The following ATXN10 variants were observed in gnomAD, a reference collection of about 807,000 sequenced individuals.
ATXN10 encodes the protein ataxin 10.
ATXN10 carries 28 observed loss-of-function variants against 52.9 expected under a neutral mutation model. The observed-to-expected ratio is 0.53, with a 90% CI of 0.39 to 0.73. The LOEUF is 0.73. ATXN10 is among the 30% of genes least tolerant of loss of function. The pLI is 0.00. For synonymous variants in ATXN10, 226 were observed against 221.5 expected (o/e 1.02, Z -0.18); for missense variants, 565 against 577.0 (o/e 0.98, Z 0.21).
chr22:45,843,557 C>G lies in ATXN10; in HGVS notation c.1426-112C>G, dbSNP rs1601682314. ...ATTGCATGAATTGTTTTAGGTTTCTCTAAGTTATTTGTCACCACTGACCAA... is the reference window on the plus strand; with the variant it reads ...ATTGCATGAATTGTTTTAGGTTTCTGTAAGTTATTTGTCACCACTGACCAA... On this transcript the variant is annotated intron_variant, in intron 11 of 11. Transcript: ENST00000252934. The surrounding 1 kb of genome is among the most constrained non-coding windows in gnomAD (Gnocchi z 4.5). 2 of 957,804 alleles carry G rather than the reference C, an allele frequency of 2.1e-6. No homozygotes were observed. The highest frequency in any genetic ancestry group is 3.3e-6 in the Non-Finnish European group (2 of 600,618). 59.3% of individuals were successfully genotyped at this position (957,804 alleles called of 1,614,324 possible).
intron 10 of ATXN10, among the ~76,000 whole-genome samples, chr22:45,811,072 T>C (rs73889628): frequency 0.014 from 2,180 of 152,294 alleles, 65 homozygotes; most frequent in African/African-American, 0.05. Flanking sequence ...TTTACTGATA[T>C]TTTTGTCTAC....
At chr22:45,700,822 A>G (rs1424222590) in intron 4 of ATXN10, among the ~76,000 whole-genome samples, 1 of 152,208 alleles carries the variant, frequency 6.6e-6, no homozygotes. Flanking sequence ...GCTGAGCACA[A>G]TGCTGTATGT....
At position 45,819,062 on chromosome 22, in the gene ATXN10, G is replaced by T. The variant is rs1928561256; in HGVS notation, c.1237+12040G>T. The stretch of plus-strand genomic sequence containing the variant: ...ACCAGTTGTAAGCTTACTAGCTTAA[G>T]AAAGTATTTTAAATTTAGAAGCTAC... On this transcript the variant is annotated intron_variant, in intron 10 of 11. Transcript: ENST00000252934. This position sits in a 1 kb window ranked among gnomAD's most constrained non-coding sequence, Gnocchi z 4.5. Among the ~76,000 whole-genome samples the T allele has an allele frequency of 6.6e-6, 1 of 152,148 alleles. No homozygotes were observed. Among genetic ancestry groups the T allele is most frequent in the Non-Finnish European group, 1.5e-5 (1 of 68,024 alleles).
At chr22:45,720,055 G>A (rs1270065369) in intron 6 of ATXN10, among the ~76,000 whole-genome samples, 2 of 152,164 alleles carry the variant, frequency 1.3e-5, no homozygotes, top group Admixed American at 6.5e-5. Context: ...TCAATAAAGT[G>A]TTCCTCTAGT....
Position 45,823,878 on chromosome 22 carries a change from G to T in ATXN10, c.1237+16856G>T, listed in dbSNP as rs183612548. On this transcript the variant is annotated intron_variant, in intron 10 of 11. Transcript: ENST00000252934. This position sits in a 1 kb window ranked among gnomAD's most constrained non-coding sequence, Gnocchi z 4.9. ...GTGGGCACACCCCCTGCTAGGCTTGGGGGCAGGCACTCAGGTCACCTGGGA... is the reference window on the plus strand; with the variant it reads ...GTGGGCACACCCCCTGCTAGGCTTGTGGGCAGGCACTCAGGTCACCTGGGA... Among the ~76,000 whole-genome samples the T allele has an allele frequency of 1.4e-3, 219 of 152,300 alleles. No individual in the cohort carries two copies. Among genetic ancestry groups the T allele is most frequent in the African/African-American group, 5.1e-3 (211 of 41,562 alleles).
Position 45,707,165 on chromosome 22 carries a change from TC to T in ATXN10, c.647+4320del, listed in dbSNP as rs572902878. 1.3e-3 allele frequency among the ~76,000 whole-genome samples: 195 copies of T among 152,292 alleles called. 1 individual carries two copies. Among genetic ancestry groups the T allele is most frequent in the African/African-American group, 4.5e-3 (189 of 41,556 alleles). On this transcript the variant is annotated intron_variant, in intron 5 of 11. Transcript: ENST00000252934. ...TCCTGTTTTTTAAAAAATCTATTTT[TC>T]CATATCTTTTGCACATAGTAGTCAG...
In ATXN10 at chr22:45,672,176, A is replaced by T; in HGVS notation, c.113A>T (p.Asn38Ile). 1 of 1,532,734 alleles carries T rather than the reference A, an allele frequency of 6.5e-7. No homozygotes were observed. The highest frequency in any genetic ancestry group is 1.2e-5 in the South Asian group (1 of 83,338). The allele number at this position is 1,532,734 out of a possible 1,614,324, so 94.9% of individuals were successfully genotyped here. A position where few individuals can be genotyped will look rare whatever the true frequency, so the allele number is the denominator to read the frequency against. The change falls in exon 1 of 12, where the codon AAC becomes ATC. Residue 38 changes from asparagine to isoleucine, a missense_variant. By Grantham distance (149) the Asn-to-Ile change is moderately radical. Coordinates refer to ENST00000252934, the MANE Select transcript of ATXN10 (RefSeq NM_013236.4). Reference protein sequence around the residue: ...ALTALFKEQRNRETAPRTIFQ... With the variant: ...ALTALFKEQRIRETAPRTIFQ... ...ACGGCGCTCTTCAAAGAGCAGCGGAACCGGTAACGGGTCCGGCCGGGGGGC... is the reference window on the plus strand; with the variant it reads ...ACGGCGCTCTTCAAAGAGCAGCGGATCCGGTAACGGGTCCGGCCGGGGGGC...
intron 9 of ATXN10, among the ~76,000 whole-genome samples, chr22:45,796,303 TTC>T (rs1471889282): frequency 7.9e-5 from 12 of 152,310 alleles, no homozygotes; most frequent in African/African-American, 2.9e-4. Flanking sequence ...CGAACCCTAT[TTC>T]CTGTTAAGAT....
chr22:45,764,092 A>C (rs1188478389), intron 9 of ATXN10, among the ~76,000 whole-genome samples: 1 of 152,076 alleles, frequency 6.6e-6, no homozygotes, highest in Non-Finnish European at 1.5e-5. Context: ...CTCACGGTGC[A>C]CACTCATCTT....
chr22:45,721,799 C>T (rs941482430), intron 6 of ATXN10, among the ~76,000 whole-genome samples: 1 of 152,126 alleles, frequency 6.6e-6, no homozygotes, highest in African/African-American at 2.4e-5. Flanking sequence ...CCTGTAGTTC[C>T]AGCTACTCGG....
Position 45,808,091 on chromosome 22 carries a change from G to C in ATXN10, c.1237+1069G>C, listed in dbSNP as rs138977801. On this transcript the variant is annotated intron_variant, in intron 10 of 11. Transcript: ENST00000252934. Reference sequence around the variant, plus strand: ...TAGCTTGTAAGTTCAGTCAGGAAAAGACAAATACACAGCCTCAGAAGACTC... The same window carrying C: ...TAGCTTGTAAGTTCAGTCAGGAAAACACAAATACACAGCCTCAGAAGACTC... 7.2e-3 allele frequency among the ~76,000 whole-genome samples: 1,096 copies of C among 152,242 alleles called. 10 individuals carry two copies. Among genetic ancestry groups the C allele is most frequent in the African/African-American group, 0.025 (1,041 of 41,540 alleles).
At position 45,738,834 on chromosome 22, in the gene ATXN10, T is replaced by C. The variant is rs754192163; in HGVS notation, c.998T>C (p.Val333Ala). ...LQVFPGLLER[V>A]IDLLRVIHVA... is the part of the protein sequence containing the mutation. The stretch of plus-strand genomic sequence containing the variant: ...GTTTTCCCTGGCTTGCTGGAAAGAG[T>C]GATTGGTGAGTGAAATATCACACAT... Residue 333 changes from valine to alanine, a missense_variant, in exon 8 of 12, where the codon GTG (valine) becomes GCG (alanine). Transcript: ENST00000252934. 1 of 1,612,484 alleles carries C rather than the reference T, an allele frequency of 6.2e-7. No individual in the cohort carries two copies. Among genetic ancestry groups the C allele is most frequent in the Admixed American group, 1.7e-5 (1 of 59,988 alleles).
chr22:45,729,887 T>A (rs1461695515), intron 7 of ATXN10: 2 of 412,288 alleles, frequency 4.9e-6, no homozygotes, highest in Admixed American at 3.6e-5. Context: ...GGAGCCTTTC[T>A]GTGCCTTCTG....
At position 45,823,142 on chromosome 22, in the gene ATXN10, G is replaced by A. The variant is rs1304680800; in HGVS notation, c.1237+16120G>A. On this transcript the variant is annotated intron_variant, in intron 10 of 11. Coordinates refer to ENST00000252934, the MANE Select transcript of ATXN10 (RefSeq NM_013236.4). This position sits in a 1 kb window ranked among gnomAD's most constrained non-coding sequence, Gnocchi z 4.9. ...GATGTATGTACGCATCACCCAGATG[G>A]AAATACAGAACATGCCCATCTCCCT... 2 of 471,598 alleles carry A rather than the reference G, an allele frequency of 4.2e-6. No homozygotes were observed. Among genetic ancestry groups the A allele is most frequent in the Admixed American group, 2.3e-5 (1 of 42,560 alleles). The allele number at this position is 471,598 out of a possible 1,614,324, so 29.2% of individuals were successfully genotyped here. A position where few individuals can be genotyped will look rare whatever the true frequency, so the allele number is the denominator to read the frequency against.
intron 10 of ATXN10, among the ~76,000 whole-genome samples, chr22:45,831,859 A>G (rs1929003513): frequency 6.6e-6 from 1 of 152,202 alleles, no homozygotes; most frequent in African/African-American, 2.4e-5. Flanking sequence ...GTGGCCTTTA[A>G]GCCCACCCAG....
intron 1 of ATXN10, chr22:45,675,449 C>T (rs907289055): frequency 6.6e-6 from 1 of 152,246 alleles, no homozygotes; most frequent in Non-Finnish European, 1.5e-5. Flanking sequence ...CAGTGTGCGA[C>T]TTCTCAGACT....
chr22:45,801,236 A>G (rs1480154518), intron 9 of ATXN10, among the ~76,000 whole-genome samples: 1 of 152,120 alleles, frequency 6.6e-6, no homozygotes. Flanking sequence ...ATGCAGATTC[A>G]TTTGTTCTGG....
chr22:45,704,500 G>A lies in ATXN10; in HGVS notation c.647+1653G>A, dbSNP rs747694976. The stretch of plus-strand genomic sequence containing the variant: ...TTTTAGTCTATGAGTTTTGGGTGTC[G>A]TTAGTTCAGTTTATTCTAAGTATTT... On this transcript the variant is annotated intron_variant, in intron 5 of 11. Coordinates refer to ENST00000252934, the MANE Select transcript of ATXN10 (RefSeq NM_013236.4). Among the ~76,000 whole-genome samples the A allele has an allele frequency of 3.8e-4, 58 of 152,022 alleles. 1 individual carries two copies. The highest frequency in any genetic ancestry group is 3.1e-4 in the Non-Finnish European group (21 of 68,004).
At position 45,833,345 on chromosome 22, in the gene ATXN10, C is replaced by T. The variant is rs980998111; in HGVS notation, c.1238-9646C>T. Among the ~76,000 whole-genome samples, 1 of 152,216 alleles carries T rather than the reference C, an allele frequency of 6.6e-6. No homozygotes were observed. Among genetic ancestry groups the T allele is most frequent in the Non-Finnish European group, 1.5e-5 (1 of 68,034 alleles). ...GTAACTAATGCCATTGGAGCAAGTG[C>T]TACCAGATGCCCAGACACTGGTGTG... On this transcript the variant is annotated intron_variant, in intron 10 of 11. Coordinates refer to ENST00000252934, the MANE Select transcript of ATXN10 (RefSeq NM_013236.4). This position sits in a 1 kb window ranked among gnomAD's most constrained non-coding sequence, Gnocchi z 4.3.
Sources: gnomAD v4.1 joint callset for allele counts (sites outside exome capture counted in the v4.1 genomes callset) on GRCh38, gnomAD v4.1.1 for gene constraint, Gnocchi (gnomAD v3.1) non-coding constraint, MANE v1.5 for transcripts, NCBI Gene and HGNC (gene_info 2026-07-23, HGNC 2026-07-21) for gene names.